AKR1B10: variants seen among roughly 807,000 people sequenced by gnomAD.
AKR1B10 encodes aldo-keto reductase family 1 member B10.
In AKR1B10, 39 loss-of-function variants were observed where a neutral mutation model predicts 38.9. That is an observed-to-expected ratio of 1.00 (90% confidence interval 0.78 to 1.31). AKR1B10 has a LOEUF of 1.31. AKR1B10 is among the 50% of genes most tolerant of loss of function. AKR1B10 has a pLI of 0.00. For missense variants in AKR1B10, 361 were observed against 382.6 expected (o/e 0.94, Z 0.47); for synonymous variants, 148 against 141.2 (o/e 1.05, Z -0.34).
intron 4 of AKR1B10, among the ~76,000 whole-genome samples, chr7:134,534,117 C>T (rs1807935792): frequency 6.6e-6 from 1 of 152,086 alleles, no homozygotes; most frequent in Non-Finnish European, 1.5e-5. Context: ...TCCACAAGCA[C>T]AGCTTTTTGT....
chr7:134,539,036 A>C lies in AKR1B10; in HGVS notation c.908+19A>C, dbSNP rs1354114178. 5.6e-6 allele frequency: 9 copies of C among 1,613,826 alleles called. No individual in the cohort carries two copies. Among genetic ancestry groups the C allele is most frequent in the Non-Finnish European group, 7.6e-6 (9 of 1,179,882 alleles). On this transcript the variant is annotated intron_variant, in intron 9 of 9. Transcript: ENST00000359579. The stretch of plus-strand genomic sequence containing the variant: ...TGTTGCAGTAAGTGGCATGGAGTTA[A>C]CTAGAAGCATTGCCAGGAGTTTTTC...
intron 1 of AKR1B10, among the ~76,000 whole-genome samples, chr7:134,529,465 G>T (rs572157354): frequency 2.6e-5 from 4 of 152,318 alleles, no homozygotes; most frequent in Non-Finnish European, 4.4e-5. Flanking sequence ...GAATTATGAA[G>T]GGAGCTGTCT....
chr7:134,530,590 C>A lies in AKR1B10; in HGVS notation c.67-53C>A, dbSNP rs1807822368. 8 of 1,600,352 alleles carry A rather than the reference C, an allele frequency of 5.0e-6. No individual in the cohort carries two copies. In the East Asian group the frequency reaches 1.6e-4, roughly 31 times the overall value. Reference sequence around the variant, plus strand: ...GGCCAGCCTGGGCAACACGGCAGGGCCCCATCTCTTAAAAAAAACACATAT... The same window carrying A: ...GGCCAGCCTGGGCAACACGGCAGGGACCCATCTCTTAAAAAAAACACATAT... On this transcript the variant is annotated intron_variant, in intron 1 of 9. Transcript: ENST00000359579.
At chr7:134,529,055 T>G (rs1332034601) in intron 1 of AKR1B10, among the ~76,000 whole-genome samples, 2 of 152,188 alleles carry the variant, frequency 1.3e-5, no homozygotes, top group African/African-American at 4.8e-5. Context: ...GCCATTTCCA[T>G]CCATGATAGC....
chr7:134,535,739 T>C (rs931730915), intron 4 of AKR1B10: 4 of 949,802 alleles, frequency 4.2e-6, no homozygotes, highest in Non-Finnish European at 5.0e-6. Flanking sequence ...AGCCTCAGTG[T>C]CATGATTGAT....
At chr7:134,537,186 C>T in intron 6 of AKR1B10, 29 bp downstream of exon 6, 2 of 1,560,646 alleles carry the variant, frequency 1.3e-6, no homozygotes, top group Non-Finnish European at 1.7e-6. Flanking sequence ...GGGTCTTTCT[C>T]TTGATAATCT....
In AKR1B10 at chr7:134,541,087, T is replaced by C. The variant is rs1384899015; in HGVS notation, c.949T>C (p.Ter317ArgextTer2). The change falls in exon 10 of 10, where the codon TGA (stop) becomes CGA (arginine). Residue 317 changes from the stop codon to arginine, a stop_lost. Coordinates refer to ENST00000359579, the MANE Select transcript of AKR1B10 (RefSeq NM_020299.5). ...AGACTATCCCTTCAATGCAGAATAT[T>C]GAGGTTGAATCTCCTGGTGAGATTA... Reference protein sequence around the residue: ...LEDYPFNAEY* With the variant: ...LEDYPFNAEYR 21 of 1,575,744 alleles carry C rather than the reference T, an allele frequency of 1.3e-5. 2 individuals are homozygous for C. The South Asian group carries it at 2.2e-4, about 17-fold the overall frequency.
intron 9 of AKR1B10, among the ~76,000 whole-genome samples, chr7:134,539,532 G>A (rs1808095908): frequency 1.3e-5 from 2 of 152,150 alleles, no homozygotes; most frequent in Admixed American, 6.5e-5. Context: ...TACAGGGTGT[G>A]TAAAGGGAGG....
intron 1 of AKR1B10, among the ~76,000 whole-genome samples, chr7:134,529,809 C>T (rs1437917631): frequency 4.6e-5 from 7 of 151,258 alleles, no homozygotes; most frequent in Admixed American, 4.6e-4. Flanking sequence ...CTTTCCTTCC[C>T]TTCTTTCTCT....
Position 134,538,277 on chromosome 7 carries a change from G to T in AKR1B10, c.825G>T (p.Gln275His). 6.2e-7 allele frequency: 1 copy of T among 1,613,834 alleles called. No individual in the cohort carries two copies. The highest frequency in any genetic ancestry group is 1.1e-5 in the South Asian group (1 of 90,992). The change falls in exon 8 of 10, where the codon CAG (glutamine) becomes CAT (histidine). Residue 275 changes from glutamine to histidine, a missense_variant and splice_region_variant. Gln to His is a conservative substitution (Grantham distance 24). Coordinates refer to ENST00000359579, the MANE Select transcript of AKR1B10 (RefSeq NM_020299.5). ...VTPARIVENI[Q>H]VFDFKLSDEE... ...CAGCACGCATTGTTGAGAACATTCA[G>T]GTAAGTTTCCGGCTGGTCGGCCCTG...
At position 134,536,759 on chromosome 7, in the gene AKR1B10, C is replaced by T. The variant is rs772625603; in HGVS notation, c.539C>T (p.Pro180Leu). The T allele has an allele frequency of 4.3e-6, 7 of 1,613,876 alleles. No individual in the cohort carries two copies. Among genetic ancestry groups the T allele is most frequent in the Non-Finnish European group, 5.9e-6 (7 of 1,179,816 alleles). The change falls in exon 5 of 10, where the codon CCA becomes CTA. Residue 180 changes from proline (P) to leucine (L), a missense_variant. Pro to Leu is a moderately conservative substitution (Grantham distance 98, BLOSUM62 -3). Transcript: ENST00000359579. ...LLNKPGLKYK[P>L]VTNQVECHPY... ...AACAAACCTGGACTGAAATATAAACCAGTGACTAACCAGGTAAATTCTATT... is the reference window on the plus strand; with the variant it reads ...AACAAACCTGGACTGAAATATAAACTAGTGACTAACCAGGTAAATTCTATT...
chr7:134,528,317 T>C (rs1269090462), intron 1 of AKR1B10, among the ~76,000 whole-genome samples: 1 of 152,194 alleles, frequency 6.6e-6, no homozygotes, highest in Non-Finnish European at 1.5e-5. Context: ...GTGGGTTTGT[T>C]GTGGGCTGGG....
chr7:134,534,790 C>G (rs1037968998), intron 4 of AKR1B10, among the ~76,000 whole-genome samples: 1 of 152,170 alleles, frequency 6.6e-6, no homozygotes, highest in South Asian at 2.1e-4. Flanking sequence ...CTAATTGCCC[C>G]ATCTGAAATT....
At chr7:134,535,278 A>C (rs1807965096) in intron 4 of AKR1B10, among the ~76,000 whole-genome samples, 2 of 152,122 alleles carry the variant, frequency 1.3e-5, no homozygotes, top group African/African-American at 2.4e-5. Flanking sequence ...AGTAGGTATT[A>C]TAAGACTTTT....
chr7:134,529,483 G>A (rs1233146148), intron 1 of AKR1B10, among the ~76,000 whole-genome samples: 1 of 152,168 alleles, frequency 6.6e-6, no homozygotes, highest in Non-Finnish European at 1.5e-5. Context: ...TCTTCAACAC[G>A]TGGGGATGAT....
rs765301494 is a variant in AKR1B10 at position 134,527,864 on chromosome 7, G to A, written c.-48G>A. The A allele has an allele frequency of 3.1e-6, 5 of 1,611,770 alleles. No homozygotes were observed. The highest frequency in any genetic ancestry group is 1.1e-5 in the South Asian group (1 of 90,974). On this transcript the variant is annotated 5_prime_UTR_variant, in exon 1 of 10. Coordinates refer to ENST00000359579, the MANE Select transcript of AKR1B10 (RefSeq NM_020299.5). ...GTCTCAAAAACAGCAACAGAGAGCA[G>A]GACGTGAGACTTCTACCTGCTCACT...
chr7:134,533,207 C>T, intron 4 of AKR1B10, 126 bp downstream of exon 4: 1 of 740,214 alleles, frequency 1.4e-6, no homozygotes, highest in Non-Finnish European at 2.2e-6. Context: ...TTTTCTAGCT[C>T]TTCTAATATC....
chr7:134,534,616 A>G (rs1306596354), intron 4 of AKR1B10, among the ~76,000 whole-genome samples: 1 of 152,230 alleles, frequency 6.6e-6, no homozygotes. Context: ...TGAAATGAGC[A>G]GGCTTGAATA....
intron 9 of AKR1B10, among the ~76,000 whole-genome samples, chr7:134,539,853 T>TAA (rs1562932510): frequency 6.6e-6 from 1 of 152,246 alleles, no homozygotes. Flanking sequence ...GTCTGGCATT[T>TAA]ATTACTGCCA....
Sources: allele counts gnomAD v4.1 joint callset (sites outside exome capture counted in the v4.1 genomes callset), GRCh38; gene constraint gnomAD v4.1.1; transcripts MANE v1.5; gene names NCBI Gene and HGNC (gene_info 2026-07-23, HGNC 2026-07-21).